The following ATP11A variants were observed in gnomAD, a reference collection of about 807,000 sequenced individuals.
The protein encoded by ATP11A is ATPase phospholipid transporting 11A.
A neutral mutation model predicts 154.4 loss-of-function variants in ATP11A; 81 were observed. The observed-to-expected ratio is 0.52, with a 90% confidence interval of 0.44 to 0.63. The LOEUF (loss-of-function observed/expected upper bound fraction) is 0.63, where lower values mean the gene tolerates loss of function less well. ATP11A is among the 30% of genes least tolerant of loss of function. The pLI, the probability that ATP11A is intolerant of heterozygous loss-of-function variation, is 0.00. For synonymous variants in ATP11A, 623 were observed against 585.9 expected (o/e 1.06, Z -0.91); for missense variants, 1,316 against 1,474.3 (o/e 0.89, Z 1.76).
chr13:112,863,121 G>A (rs2080173760), intron 25 of ATP11A, among the ~76,000 whole-genome samples: 1 of 144,486 alleles, frequency 6.9e-6, no homozygotes, highest in Admixed American at 6.9e-5. Context: ...TTTCCCAGCG[G>A]GGTCCATCAC....
rs868418049 is a variant in ATP11A, at chr13:112,787,121, T to C, written c.162+1864T>C. Among the ~76,000 whole-genome samples the C allele has an allele frequency of 8.1e-4, 94 of 116,142 alleles. 2 individuals are homozygous for C. Among genetic ancestry groups the C allele is most frequent in the African/African-American group, 3.4e-3 (81 of 23,810 alleles). The allele number at this position is 116,142 out of a possible 152,430, so 76.2% of individuals were successfully genotyped here. A position where few individuals can be genotyped will look rare whatever the true frequency, so the allele number is the denominator to read the frequency against. On this transcript the variant is annotated intron_variant, in intron 2 of 29. Transcript: ENST00000375645. ...CTTAATTCACACCGGTGTCCTGACG[T>C]GTAGACCCCTGTGGAGACCTACTTA...
At chr13:112,837,881 C>A (rs745334121) in intron 16 of ATP11A, among the ~76,000 whole-genome samples, 1 of 149,056 alleles carries the variant, frequency 6.7e-6, no homozygotes, top group Non-Finnish European at 1.5e-5. Context: ...TGAGTCATAG[C>A]GGCTCTGGGG....
chr13:112,744,194 G>T (rs778117817), intron 1 of ATP11A, among the ~76,000 whole-genome samples: 1 of 152,174 alleles, frequency 6.6e-6, no homozygotes. Flanking sequence ...GGTTTGGGAC[G>T]GTCTGGGAGG....
intron 18 of ATP11A, among the ~76,000 whole-genome samples, chr13:112,853,816 C>G (rs1222492923): frequency 6.6e-6 from 1 of 152,108 alleles, no homozygotes; most frequent in Non-Finnish European, 1.5e-5. Flanking sequence ...GTACCTGGAC[C>G]CCAAGTGGGT....
chr13:112,879,134 G>A (rs1023468431), intron 29 of ATP11A, among the ~76,000 whole-genome samples: 9 of 152,150 alleles, frequency 5.9e-5, no homozygotes, highest in South Asian at 4.1e-4. Context: ...ACCAAATACC[G>A]CCTTCACGCA....
Position 112,766,345 on chromosome 13 carries a change from G to C in ATP11A, c.40-18790G>C, listed in dbSNP as rs1024981953. Among the ~76,000 whole-genome samples, 6 of 152,162 alleles carry C rather than the reference G, an allele frequency of 3.9e-5. 1 individual carries two copies. The South Asian group carries it at 8.3e-4, about 21-fold the overall frequency. ...GAGGGATGAGTAAGGGGCTTTACTG[G>C]CCCAACCAGAAACAAAAAGTAAGAA... On this transcript the variant is annotated intron_variant, in intron 1 of 29. Coordinates refer to ENST00000375645, the MANE Select transcript of ATP11A (RefSeq NM_015205.3).
At chr13:112,833,975 A>G (rs1323299367) in intron 14 of ATP11A, among the ~76,000 whole-genome samples, 1 of 152,208 alleles carries the variant, frequency 6.6e-6, no homozygotes, top group East Asian at 1.9e-4. Flanking sequence ...GCCGCGAAGC[A>G]CGTCTGTCTC....
At chr13:112,797,042 C>T (rs905697427) in intron 2 of ATP11A, among the ~76,000 whole-genome samples, 1 of 152,082 alleles carries the variant, frequency 6.6e-6, no homozygotes, top group African/African-American at 2.4e-5. Flanking sequence ...GGGCAGATCA[C>T]CTGAGGTCAG....
At position 112,878,253 on chromosome 13, in the gene ATP11A, A is replaced by AT; in HGVS notation, c.3365dup (p.Phe1123LeufsTer71). ...GTGCCTTTCTGTCGAGCAGTCAACC[A>AT]TCTTTATGCTTTCTCAGACTTCCAG... On this transcript the variant is annotated frameshift_variant, in exon 29 of 30. Transcript: ENST00000375645. 3 of 1,614,196 alleles carry AT rather than the reference A, an allele frequency of 1.9e-6. No homozygotes were observed. The highest frequency in any genetic ancestry group is 2.5e-6 in the Non-Finnish European group (3 of 1,180,038).
chr13:112,880,785 A>G, intron 29 of ATP11A: 15 of 1,152,054 alleles, frequency 1.3e-5, no homozygotes, highest in Non-Finnish European at 1.6e-5. Flanking sequence ...TTACACACAC[A>G]TGCATTTGCT....
At chr13:112,819,475 C>T (rs2078737456) in intron 7 of ATP11A, 68 bp downstream of exon 7, 4 of 1,349,772 alleles carry the variant, frequency 3.0e-6, no homozygotes, top group Middle Eastern at 1.8e-4. Flanking sequence ...TGCTTTTTCA[C>T]CCCAAGTAGT....
At chr13:112,795,349 T>C (rs1022263145) in intron 2 of ATP11A, among the ~76,000 whole-genome samples, 1 of 152,266 alleles carries the variant, frequency 6.6e-6, no homozygotes, top group African/African-American at 2.4e-5. Context: ...GATCATATTT[T>C]ATCTCATAAA....
intron 2 of ATP11A, among the ~76,000 whole-genome samples, chr13:112,795,236 C>T (rs2077969576): frequency 6.6e-6 from 1 of 152,188 alleles, no homozygotes; most frequent in African/African-American, 2.4e-5. Context: ...CAGAGTGAGA[C>T]TTCATCTCAA....
intron 4 of ATP11A, among the ~76,000 whole-genome samples, chr13:112,809,280 G>C (rs943695342): frequency 9.9e-5 from 15 of 152,234 alleles, no homozygotes; most frequent in African/African-American, 3.6e-4. Flanking sequence ...AGATGCCACA[G>C]TGTCACTTAT....
At chr13:112,720,205 G>A (rs1443803492) in intron 1 of ATP11A, among the ~76,000 whole-genome samples, 2 of 152,224 alleles carry the variant, frequency 1.3e-5, no homozygotes, top group African/African-American at 4.8e-5. Flanking sequence ...GTATATTTTA[G>A]GGAGACAGGA....
Position 112,754,477 on chromosome 13 carries a change from G to C in ATP11A, c.40-30658G>C, listed in dbSNP as rs1181760549. On this transcript the variant is annotated intron_variant, in intron 1 of 29. Coordinates refer to ENST00000375645, the MANE Select transcript of ATP11A (RefSeq NM_015205.3). The surrounding 1 kb of genome is among the most constrained non-coding windows in gnomAD (Gnocchi z 5.3). ...CCTGCTCTCCCGCCGAGGAAACTGA[G>C]TACTGGGCTAATTCACCTGCCAAAG... 2.0e-5 allele frequency: 3 copies of C among 153,046 alleles called. No individual in the cohort carries two copies. The highest frequency in any genetic ancestry group is 7.2e-5 in the African/African-American group (3 of 41,412). The allele number at this position is 153,046 out of a possible 1,614,324, so 9.5% of individuals were successfully genotyped here.
chr13:112,871,810 C>G lies in ATP11A; in HGVS notation c.3057+10C>G, dbSNP rs1186323705. Reference sequence around the variant, plus strand: ...CACAGTTACACTAAAGGTAAGTGGTCTCGCGCTCACGTTCCTCCCCCAGCC... The same window carrying G: ...CACAGTTACACTAAAGGTAAGTGGTGTCGCGCTCACGTTCCTCCCCCAGCC... On this transcript the variant is annotated intron_variant, in intron 26 of 29. Transcript: ENST00000375645. 6.2e-7 allele frequency: 1 copy of G among 1,613,344 alleles called. No individual in the cohort carries two copies. Among genetic ancestry groups the G allele is most frequent in the South Asian group, 1.1e-5 (1 of 91,068 alleles).
At chr13:112,777,941 G>T (rs542119505) in intron 1 of ATP11A, among the ~76,000 whole-genome samples, 1 of 152,232 alleles carries the variant, frequency 6.6e-6, no homozygotes, top group Admixed American at 6.5e-5. Flanking sequence ...ATGGCACCCT[G>T]CACGGAGAGG....
chr13:112,785,956 T>C lies in ATP11A; in HGVS notation c.162+699T>C, dbSNP rs1351945803. 6.2e-3 allele frequency among the ~76,000 whole-genome samples: 820 copies of C among 132,178 alleles called. 14 individuals carry two copies. The highest frequency in any genetic ancestry group is 0.024 in the African/African-American group (763 of 32,060). 86.7% of individuals were successfully genotyped at this position (132,178 alleles called of 152,430 possible). A position where few individuals can be genotyped will look rare whatever the true frequency, so the allele number is the denominator to read the frequency against. The stretch of plus-strand genomic sequence containing the variant: ...TGCCTGCGTTCAGACTCCATTTATC[T>C]TCACCGTCCTTCAAAATGGATGAGC... On this transcript the variant is annotated intron_variant, in intron 2 of 29. Transcript: ENST00000375645. This position sits in a 1 kb window ranked among gnomAD's most constrained non-coding sequence, Gnocchi z 4.8.
Sources: allele counts gnomAD v4.1 joint callset (sites outside exome capture counted in the v4.1 genomes callset), GRCh38; gene constraint gnomAD v4.1.1; non-coding constraint Gnocchi (gnomAD v3.1); transcripts MANE v1.5; gene names NCBI Gene and HGNC (gene_info 2026-07-23, HGNC 2026-07-21).